The following PSMF1 variants were observed in gnomAD, a reference collection of about 807,000 sequenced individuals.
PSMF1 encodes proteasome inhibitor PI31 subunit.
Under a neutral mutation model 29.3 loss-of-function variants are expected in PSMF1, and 30 were observed. That is an observed-to-expected ratio of 1.02 (90% confidence interval 0.77 to 1.39). The LOEUF (loss-of-function observed/expected upper bound fraction) is 1.39. Ranked by LOEUF, PSMF1 falls within the 40% of genes most tolerant of loss-of-function variation. PSMF1 has a pLI of 0.00. For synonymous variants in PSMF1, 134 were observed against 139.7 expected, an observed-to-expected ratio of 0.96 and a Z score of 0.29; for missense variants, 344 against 357.5, an observed-to-expected ratio of 0.96 and a Z score of 0.31.
At chr20:1,137,644 G>T (rs2086324118) in intron 4 of PSMF1, among the ~76,000 whole-genome samples, 1 of 151,982 alleles carries the variant, frequency 6.6e-6, no homozygotes. Context: ...AGAAAAGGAG[G>T]CTCTTGTGGA....
rs1402654251 is a variant in PSMF1, at chr20:1,118,790, T to TA, written c.18dup (p.Leu7ThrfsTer36). The TA allele has an allele frequency of 6.3e-7, 1 of 1,599,334 alleles. No individual in the cohort carries two copies. The highest frequency in any genetic ancestry group is 8.5e-7 in the Non-Finnish European group (1 of 1,173,616). On this transcript the variant is annotated frameshift_variant, in exon 1 of 7. Coordinates refer to ENST00000335877, the MANE Select transcript of PSMF1 (RefSeq NM_006814.5). LOFTEE classifies it high-confidence loss of function. ...CGGGCGCTCATGGCGGGCCTGGAGG[T>TA]ACTGTTCGCATCGGCAGCGCCGGCC...
At chr20:1,133,570 T>TATA (rs1555760108) in intron 3 of PSMF1, among the ~76,000 whole-genome samples, 2,464 of 63,150 alleles carry the variant, frequency 0.039, 151 homozygotes, top group African/African-American at 0.12. Flanking sequence ...TATATATATA[T>TATA]TTTTTTTTTT....
At chr20:1,141,973 C>T (rs898551280) in intron 4 of PSMF1, among the ~76,000 whole-genome samples, 2 of 152,090 alleles carry the variant, frequency 1.3e-5, no homozygotes, top group Admixed American at 6.6e-5. Flanking sequence ...AATCCCAGCA[C>T]TTTGGAGGCC....
intron 4 of PSMF1, among the ~76,000 whole-genome samples, chr20:1,147,173 T>TCATCAC (rs1555763487): frequency 1.3e-4 from 14 of 111,100 alleles, no homozygotes; most frequent in Non-Finnish European, 2.5e-4. Flanking sequence ...ATCATCATCA[T>TCATCAC]CATCACCACC....
At position 1,135,318 on chromosome 20, in the gene PSMF1, G is replaced by T; in HGVS notation, c.551+12G>T. The T allele has an allele frequency of 6.3e-7, 1 of 1,597,542 alleles. No individual in the cohort carries two copies. The highest frequency in any genetic ancestry group is 8.5e-7 in the Non-Finnish European group (1 of 1,171,450). ...CGGCAGCCTCCCTGGTGAGTACAGA[G>T]TGCCTAGCGGGAAGCCCATGCTTCT... On this transcript the variant is annotated intron_variant, in intron 4 of 6. Coordinates refer to ENST00000335877, the MANE Select transcript of PSMF1 (RefSeq NM_006814.5).
At chr20:1,143,557 G>A (rs6040108) in intron 4 of PSMF1, among the ~76,000 whole-genome samples, 113,335 of 152,098 alleles carry the variant, frequency 0.75, 42,567 homozygotes, top group Non-Finnish European at 0.77. Context: ...AATCTTCAGT[G>A]TCTCAGGCTT....
chr20:1,125,242 C>G (rs2086139452), intron 1 of PSMF1, among the ~76,000 whole-genome samples: 1 of 152,198 alleles, frequency 6.6e-6, no homozygotes, highest in Non-Finnish European at 1.5e-5. Flanking sequence ...TAAACCAACA[C>G]TGCAGATTCT....
At position 1,163,544 on chromosome 20, in the gene PSMF1, C is replaced by T. The variant is rs981949256; in HGVS notation, c.605+361C>T. On this transcript the variant is annotated intron_variant, in intron 5 of 6. Transcript: ENST00000335877. This position sits in a 1 kb window ranked among gnomAD's most constrained non-coding sequence, Gnocchi z 6.1. ...CACTTAATAAAGGGAGTCTCTGAGC[C>T]CCATTAGACTCTGGATGGTTCTTAT... Among the ~76,000 whole-genome samples, 1 of 152,168 alleles carries T rather than the reference C, an allele frequency of 6.6e-6. No homozygotes were observed. The highest frequency in any genetic ancestry group is 1.5e-5 in the Non-Finnish European group (1 of 68,038).
At chr20:1,131,770 G>A (rs539676509) in intron 3 of PSMF1, among the ~76,000 whole-genome samples, 1 of 152,326 alleles carries the variant, frequency 6.6e-6, no homozygotes, top group South Asian at 2.1e-4. Flanking sequence ...GAGATGGTAG[G>A]CTGTCTTTTG....
rs147039294 is a variant in PSMF1 at position 1,163,147 on chromosome 20, C to T, written c.569C>T (p.Pro190Leu). ...TGTTTCAGGTGTGATCCCCTGGGCC[C>T]GTTTGTTGTCGGGGGAGAAGACTTA... ...RQPPWCDPLG[P>L]FVVGGEDLDP... Residue 190 changes from proline (P) to leucine (L), a missense_variant, in exon 5 of 7, where the codon CCG becomes CTG. By Grantham distance (98) the Pro-to-Leu change is moderately conservative (BLOSUM62 -3). Coordinates refer to ENST00000335877, the MANE Select transcript of PSMF1 (RefSeq NM_006814.5). This position sits in a 1 kb window ranked among gnomAD's most constrained non-coding sequence, Gnocchi z 6.1. 1,026 of 1,614,106 alleles carry T rather than the reference C, an allele frequency of 6.4e-4. 1 individual carries two copies. Among genetic ancestry groups the T allele is most frequent in the Admixed American group, 1.4e-3 (84 of 60,020 alleles).
chr20:1,161,653 G>C (rs2086668631), intron 4 of PSMF1: 3 of 677,482 alleles, frequency 4.4e-6, no homozygotes, highest in Admixed American at 3.8e-5. Flanking sequence ...GCAAGCAGGA[G>C]TATGACAAGT....
At position 1,135,293 on chromosome 20, in the gene PSMF1, C is replaced by T. The variant is rs757987133; in HGVS notation, c.538C>T (p.Arg180Trp). The T allele has an allele frequency of 5.6e-6, 9 of 1,612,138 alleles. No homozygotes were observed. The highest frequency in any genetic ancestry group is 4.0e-5 in the African/African-American group (3 of 74,910). ...TCCTCCACACCACCCACACACCAGT[C>T]GGCAGCCTCCCTGGTGAGTACAGAG... ...RIPPHHPHTS[R>W]QPPWCDPLGP... Residue 180 changes from arginine to tryptophan, a missense_variant, in exon 4 of 7, where the codon CGG becomes TGG. By Grantham distance (101) the Arg-to-Trp change is moderately radical. Coordinates refer to ENST00000335877, the MANE Select transcript of PSMF1 (RefSeq NM_006814.5).
Position 1,171,335 on chromosome 20 carries a change from C to T in PSMF1, c.*6255C>T, listed in dbSNP as rs923980126. ...TATGTGATGGGGAGCTCCTAACAGG[C>T]TTCCCTGGGCCACAGGAATGGGCTC... On this transcript the variant is annotated 3_prime_UTR_variant, in exon 7 of 7. Transcript: ENST00000335877. Among the ~76,000 whole-genome samples, 2 of 152,174 alleles carry T rather than the reference C, an allele frequency of 1.3e-5. No individual in the cohort carries two copies. The highest frequency in any genetic ancestry group is 4.8e-5 in the African/African-American group (2 of 41,452).
chr20:1,122,500 A>T (rs1472183518), intron 1 of PSMF1, among the ~76,000 whole-genome samples: 1 of 151,758 alleles, frequency 6.6e-6, no homozygotes, highest in Non-Finnish European at 1.5e-5. Context: ...GGGTTTCACC[A>T]TGTTTGCCAG....
chr20:1,127,840 A>G (rs1441992898), intron 3 of PSMF1, among the ~76,000 whole-genome samples: 3 of 152,090 alleles, frequency 2.0e-5, no homozygotes, highest in East Asian at 1.9e-4. Flanking sequence ...CCAATCTCCA[A>G]CTTATTTAAA....
intron 3 of PSMF1, among the ~76,000 whole-genome samples, chr20:1,132,195 C>A (rs996872240): frequency 2.0e-5 from 3 of 152,008 alleles, no homozygotes; most frequent in Non-Finnish European, 4.4e-5. Flanking sequence ...TAATTCCTCC[C>A]ACTTTTTCTT....
intron 1 of PSMF1, among the ~76,000 whole-genome samples, chr20:1,123,637 T>C (rs1247861485): frequency 1.3e-5 from 2 of 152,256 alleles, no homozygotes; most frequent in African/African-American, 4.8e-5. Context: ...ATCTCCACTT[T>C]TGCTACCTTA....
At chr20:1,117,315 G>A (rs538959213), upstream of PSMF1, among the ~76,000 whole-genome samples, 30 of 152,090 alleles carry the variant, frequency 2.0e-4, no homozygotes, top group South Asian at 1.2e-3. Flanking sequence ...TTGAGCCAAC[G>A]GATGTGATCT....
At chr20:1,155,854 A>G (rs1431249012) in intron 4 of PSMF1, among the ~76,000 whole-genome samples, 17 of 152,260 alleles carry the variant, frequency 1.1e-4, no homozygotes, top group Non-Finnish European at 1.5e-5. Context: ...GATTCTTCCA[A>G]AATGTTCAAA....
Sources: allele counts gnomAD v4.1 joint callset (sites outside exome capture counted in the v4.1 genomes callset), GRCh38; gene constraint gnomAD v4.1.1; non-coding constraint Gnocchi (gnomAD v3.1); transcripts MANE v1.5; gene names NCBI Gene and HGNC (gene_info 2026-07-23, HGNC 2026-07-21).